The following SMOC1 variants were observed in gnomAD, a reference collection of about 807,000 sequenced individuals.
The protein encoded by SMOC1 is SPARC related modular calcium binding 1.
Under a neutral mutation model 56.3 loss-of-function variants are expected in SMOC1, and 22 were observed. The ratio of observed to expected loss-of-function variants is 0.39; its 90% confidence interval spans 0.28 to 0.56. The LOEUF is 0.56. Among genes scored for constraint, SMOC1 ranks in the 20% least tolerant of loss-of-function variants. The pLI, the probability that SMOC1 is intolerant of heterozygous loss-of-function variation, is 0.61. For synonymous variants in SMOC1, 193 were observed against 215.0 expected (o/e 0.90, Z 0.89); for missense variants, 509 against 565.4 (o/e 0.90, Z 1.01).
In SMOC1 at chr14:70,030,284, G is replaced by A. The variant is rs1456090383; in HGVS notation, c.*26G>A. Reference sequence around the variant, plus strand: ...GGAGCAGAAAACCCAAGGGCAGGTGGAGAGTCCAGGGAGGCAGGATGGATC... The same window carrying A: ...GGAGCAGAAAACCCAAGGGCAGGTGAAGAGTCCAGGGAGGCAGGATGGATC... On this transcript the variant is annotated 3_prime_UTR_variant, in exon 12 of 12. Transcript: ENST00000361956. 1 of 1,613,648 alleles carries A rather than the reference G, an allele frequency of 6.2e-7. No individual in the cohort carries two copies. Among genetic ancestry groups the A allele is most frequent in the South Asian group, 1.1e-5 (1 of 91,030 alleles).
At chr14:69,954,495 G>A (rs1194949228) in intron 3 of SMOC1, among the ~76,000 whole-genome samples, 1 of 152,218 alleles carries the variant, frequency 6.6e-6, no homozygotes. Context: ...TAAAACACAG[G>A]CAATGGTGGG....
chr14:69,994,375 TC>T (rs1566703215), intron 6 of SMOC1, 24 bp from the exon 7 acceptor site: 1 of 1,590,486 alleles, frequency 6.3e-7, no homozygotes, highest in Non-Finnish European at 8.6e-7. Flanking sequence ...CCAGACTTTT[TC>T]TCTCTCCTTT....
rs368700082 is a variant in SMOC1, at chr14:70,015,754, C to T, written c.1046+2263C>T. Among the ~76,000 whole-genome samples, 7 of 152,130 alleles carry T rather than the reference C, an allele frequency of 4.6e-5. No individual in the cohort carries two copies. The East Asian group carries it at 1.2e-3, about 25-fold the overall frequency. ...TGCTCAGTCTCCGAGATAGAGAGGACAGCACATCCAGATCTCCAAGAAGAG... is the reference window on the plus strand; with the variant it reads ...TGCTCAGTCTCCGAGATAGAGAGGATAGCACATCCAGATCTCCAAGAAGAG... On this transcript the variant is annotated intron_variant, in intron 10 of 11. Coordinates refer to ENST00000361956, the MANE Select transcript of SMOC1 (RefSeq NM_001034852.3).
In SMOC1 at chr14:69,987,420, A is replaced by C. The variant is rs1347705511; in HGVS notation, c.527-4997A>C. Among the ~76,000 whole-genome samples, 7 of 152,160 alleles carry C rather than the reference A, an allele frequency of 4.6e-5. 1 individual carries two copies. In the East Asian group the frequency reaches 1.4e-3, roughly 29 times the overall value. Reference sequence around the variant, plus strand: ...AGACCCCAAGAGATGCCATTAATACAGATTCCTCCTCTGGCTCCTTTGAGA... The same window carrying C: ...AGACCCCAAGAGATGCCATTAATACCGATTCCTCCTCTGGCTCCTTTGAGA... On this transcript the variant is annotated intron_variant, in intron 5 of 11. Coordinates refer to ENST00000361956, the MANE Select transcript of SMOC1 (RefSeq NM_001034852.3).
intron 11 of SMOC1, among the ~76,000 whole-genome samples, chr14:70,028,414 G>A (rs149191257): frequency 7.9e-5 from 12 of 152,288 alleles, no homozygotes; most frequent in Non-Finnish European, 1.2e-4. Flanking sequence ...TTGCTTTGCC[G>A]CATGGAAGCT....
At chr14:69,887,713 G>T (rs143757932) in intron 1 of SMOC1, among the ~76,000 whole-genome samples, 41 of 152,288 alleles carry the variant, frequency 2.7e-4, no homozygotes, top group African/African-American at 7.7e-4. Flanking sequence ...TGGCATAAAC[G>T]TCTGCATCAG....
intron 1 of SMOC1, among the ~76,000 whole-genome samples, chr14:69,941,345 A>C (rs977309350): frequency 6.6e-6 from 1 of 152,188 alleles, no homozygotes; most frequent in African/African-American, 2.4e-5. Context: ...GGCAGCGTGC[A>C]TGTAGATGCC....
intron 1 of SMOC1, among the ~76,000 whole-genome samples, chr14:69,913,053 A>G (rs1404743156): frequency 6.6e-6 from 1 of 152,250 alleles, no homozygotes; most frequent in Admixed American, 6.5e-5. Flanking sequence ...CAGATCATGC[A>G]CAGTTTGACA....
chr14:69,919,912 C>G (rs989297685), intron 1 of SMOC1, among the ~76,000 whole-genome samples: 1 of 64,368 alleles, frequency 1.6e-5, no homozygotes, highest in African/African-American at 4.6e-5. Flanking sequence ...ACACAAATAC[C>G]CCCCCCCCCC....
At chr14:70,012,866 A>C (rs1170841134) in intron 9 of SMOC1, among the ~76,000 whole-genome samples, 2 of 152,216 alleles carry the variant, frequency 1.3e-5, no homozygotes, top group Non-Finnish European at 2.9e-5. Flanking sequence ...GTTATAATGT[A>C]AGATGGTTGA....
intron 7 of SMOC1, among the ~76,000 whole-genome samples, chr14:70,002,316 A>G (rs192348059): frequency 1.3e-5 from 2 of 152,360 alleles, no homozygotes; most frequent in African/African-American, 4.8e-5. Context: ...CCATGCCAAC[A>G]GAAGTGTGAC....
chr14:69,883,040 G>A (rs559360440), intron 1 of SMOC1, among the ~76,000 whole-genome samples: 3 of 152,284 alleles, frequency 2.0e-5, no homozygotes, highest in East Asian at 3.9e-4. Context: ...TGTATTTATT[G>A]TGCACAATAT....
chr14:70,011,466 C>CCAAA lies in SMOC1; in HGVS notation c.858-19_858-18insCAAA. On this transcript the variant is annotated intron_variant, in intron 8 of 11. Coordinates refer to ENST00000361956, the MANE Select transcript of SMOC1 (RefSeq NM_001034852.3). ...GTTGCCAGCCCCTCCCAACCCCCCC[C>CCAAA]ATATCTCTCTTTTCCCAGCTACGTG... is the stretch of plus-strand genomic sequence containing the variant. The CCAAA allele has an allele frequency of 7.0e-6, 11 of 1,561,614 alleles. No homozygotes were observed. The highest frequency in any genetic ancestry group is 1.4e-5 in the African/African-American group (1 of 73,678).
chr14:69,958,417 A>G (rs925608230), intron 3 of SMOC1, among the ~76,000 whole-genome samples: 1 of 152,238 alleles, frequency 6.6e-6, no homozygotes, highest in East Asian at 1.9e-4. Context: ...AACCAGCCAT[A>G]TGATAATAAT....
intron 5 of SMOC1, among the ~76,000 whole-genome samples, chr14:69,986,625 A>C (rs974252675): frequency 2.0e-5 from 3 of 152,204 alleles, no homozygotes; most frequent in African/African-American, 7.2e-5. Context: ...CAAAATAAAA[A>C]GTTAAAAAAA....
intron 5 of SMOC1, among the ~76,000 whole-genome samples, chr14:69,983,355 AG>A (rs1483179878): frequency 6.6e-6 from 1 of 152,250 alleles, no homozygotes; most frequent in African/African-American, 2.4e-5. Flanking sequence ...ACTAAATGTC[AG>A]GCTTGTTATC....
chr14:70,027,767 A>G lies in SMOC1; in HGVS notation c.1292-2475A>G, dbSNP rs146778145. Among the ~76,000 whole-genome samples the G allele has an allele frequency of 5.9e-5, 9 of 152,352 alleles. No homozygotes were observed. The East Asian group carries it at 1.7e-3, about 29-fold the overall frequency. On this transcript the variant is annotated intron_variant, in intron 11 of 11. Coordinates refer to ENST00000361956, the MANE Select transcript of SMOC1 (RefSeq NM_001034852.3). ...AACGATTTGGTGAGGATGTAATCAG[A>G]TAATGTGTGTGAAGAACTTAGCACG...
At chr14:69,965,767 T>C (rs1410912668) in intron 3 of SMOC1, among the ~76,000 whole-genome samples, 1 of 152,136 alleles carries the variant, frequency 6.6e-6, no homozygotes. Flanking sequence ...CAAGAGCTAA[T>C]GTCCAATCAG....
intron 3 of SMOC1, among the ~76,000 whole-genome samples, chr14:69,972,745 C>T (rs985731027): frequency 6.6e-6 from 1 of 152,146 alleles, no homozygotes; most frequent in Non-Finnish European, 1.5e-5. Flanking sequence ...AGATTATATC[C>T]CCAGAAACAA....
Sources: gnomAD v4.1 joint callset for allele counts (sites outside exome capture counted in the v4.1 genomes callset) on GRCh38, gnomAD v4.1.1 for gene constraint, MANE v1.5 for transcripts, NCBI Gene and HGNC (gene_info 2026-07-23, HGNC 2026-07-21) for gene names.